BMAL1: variants seen among roughly 807,000 people sequenced by gnomAD.
BMAL1 encodes the protein basic helix-loop-helix ARNT-like protein 1.
the BMAL1 span, chr11:13,356,842 A>G: frequency 3.1e-6 from 5 of 1,612,428 alleles, no homozygotes; most frequent in Non-Finnish European, 4.2e-6. Flanking sequence ...ACTGTTACAC[A>G]TTCTGTTACT....
the BMAL1 span, among the ~76,000 whole-genome samples, chr11:13,278,767 G>A: frequency 6.6e-6 from 1 of 152,258 alleles, no homozygotes; most frequent in Non-Finnish European, 1.5e-5. Context: ...TCCGCGGAGG[G>A]CGCAGCGAGC....
the BMAL1 span, among the ~76,000 whole-genome samples, chr11:13,345,823 T>G: frequency 6.6e-6 from 1 of 152,260 alleles, no homozygotes. Flanking sequence ...GTTCCTGCTC[T>G]TGGATCAGGC....
the BMAL1 span, among the ~76,000 whole-genome samples, chr11:13,321,729 C>G: frequency 2.0e-5 from 3 of 152,204 alleles, no homozygotes; most frequent in Non-Finnish European, 4.4e-5. Context: ...CACAATTTCC[C>G]TTTCCTCTCA....
the BMAL1 span, among the ~76,000 whole-genome samples, chr11:13,376,347 G>A: frequency 6.6e-6 from 1 of 152,238 alleles, no homozygotes; most frequent in Non-Finnish European, 1.5e-5. Flanking sequence ...TAGGTGCACT[G>A]CAGGCTGGCA....
chr11:13,303,993 G>C, the BMAL1 span, among the ~76,000 whole-genome samples: 3 of 152,198 alleles, frequency 2.0e-5, no homozygotes, highest in African/African-American at 7.2e-5. Context: ...TGCTGGAATG[G>C]AGTGGGGAGG....
chr11:13,332,006 A>G, the BMAL1 span, among the ~76,000 whole-genome samples: 1 of 152,148 alleles, frequency 6.6e-6, no homozygotes, highest in Non-Finnish European at 1.5e-5. Context: ...ATGGAGAGGA[A>G]CAAGCGACGG....
chr11:13,378,505 T>A, the BMAL1 span: 5 of 1,556,480 alleles, frequency 3.2e-6, no homozygotes, highest in African/African-American at 5.5e-5. Flanking sequence ...GGGAAATTTT[T>A]TCCCCCAGGC....
At chr11:13,379,984 G>A in the BMAL1 span, 1 of 152,198 alleles carries the variant, frequency 6.6e-6, no homozygotes, top group Non-Finnish European at 1.5e-5. Flanking sequence ...AGATGAAGGT[G>A]GGCATGTTTG....
chr11:13,353,283 T>G, the BMAL1 span: 1 of 156,776 alleles, frequency 6.4e-6, no homozygotes, highest in Non-Finnish European at 1.5e-5. Flanking sequence ...TCTGGCTGGT[T>G]AGGCAGGTGT....
the BMAL1 span, among the ~76,000 whole-genome samples, chr11:13,357,749 T>C: frequency 6.6e-6 from 1 of 152,240 alleles, no homozygotes; most frequent in Admixed American, 6.5e-5. The surrounding 1 kb of genome is among the most constrained non-coding windows in gnomAD (Gnocchi z 4.8). Flanking sequence ...CTGCGGCAGC[T>C]GCAGCAAACT....
the BMAL1 span, chr11:13,310,010 G>A: frequency 2.0e-5 from 3 of 152,756 alleles, no homozygotes; most frequent in Admixed American, 6.5e-5. Flanking sequence ...GAGTGTATAC[G>A]TTTGGACCCA....
At chr11:13,288,424 C>CT in the BMAL1 span, among the ~76,000 whole-genome samples, 38 of 113,734 alleles carry the variant, frequency 3.3e-4, 1 homozygote, top group African/African-American at 1.3e-3. Context: ...CTTTTTTTTT[C>CT]TTTTTTTTTT....
At chr11:13,359,550 A>G in the BMAL1 span, among the ~76,000 whole-genome samples, 1 of 152,364 alleles carries the variant, frequency 6.6e-6, no homozygotes, top group South Asian at 2.1e-4. Flanking sequence ...CTCAAGTTAC[A>G]GTAAAGAGCA....
the BMAL1 span, among the ~76,000 whole-genome samples, chr11:13,327,737 A>C: frequency 4.6e-5 from 7 of 152,348 alleles, no homozygotes; most frequent in African/African-American, 1.7e-4. Context: ...GTCTAAATGA[A>C]ACAAGAGTGG....
the BMAL1 span, among the ~76,000 whole-genome samples, chr11:13,311,376 G>T: frequency 6.6e-6 from 1 of 152,166 alleles, no homozygotes; most frequent in African/African-American, 2.4e-5. Context: ...GGAGAGTCCC[G>T]GGAAGGGAAG....
the BMAL1 span, among the ~76,000 whole-genome samples, chr11:13,337,103 T>C: frequency 6.6e-6 from 1 of 152,220 alleles, no homozygotes; most frequent in South Asian, 2.1e-4. Flanking sequence ...CAAAGATAGC[T>C]ACTATCAGCA....
At chr11:13,314,053 C>A in the BMAL1 span, among the ~76,000 whole-genome samples, 1 of 152,110 alleles carries the variant, frequency 6.6e-6, no homozygotes, top group African/African-American at 2.4e-5. Flanking sequence ...ACTCCAGTTT[C>A]CCCCAAATCT....
chr11:13,330,964 C>A, the BMAL1 span, among the ~76,000 whole-genome samples: 1 of 152,142 alleles, frequency 6.6e-6, no homozygotes, highest in African/African-American at 2.4e-5. Flanking sequence ...TTCAGAGAGA[C>A]ACTAGTTTTA....
the BMAL1 span, chr11:13,376,648 T>C: frequency 5.0e-6 from 8 of 1,614,022 alleles, no homozygotes; most frequent in Non-Finnish European, 6.8e-6. Context: ...AGAGCCAACG[T>C]CCTGGAAGGC....
Sources: allele counts gnomAD v4.1 joint callset (sites outside exome capture counted in the v4.1 genomes callset), GRCh38; gene constraint gnomAD v4.1.1; non-coding constraint Gnocchi (gnomAD v3.1); transcripts MANE v1.5; gene names NCBI Gene and HGNC (gene_info 2026-07-23, HGNC 2026-07-21).